FRY: variants seen among roughly 807,000 people sequenced by gnomAD.
FRY encodes FRY microtubule binding protein.
Under a neutral mutation model 348.4 loss-of-function variants are expected in FRY, and 128 were observed. The ratio of observed to expected loss-of-function variants is 0.37; its 90% CI spans 0.32 to 0.43. The LOEUF (loss-of-function observed/expected upper bound fraction) is 0.43. FRY is among the 20% of genes least tolerant of loss of function. The probability of loss-of-function intolerance (pLI) is 1.00; values close to 1 mark genes in which losing one functional copy is unlikely to be tolerated. For synonymous variants in FRY, 1,370 were observed against 1,374.7 expected, an observed-to-expected ratio of 1.00 and a Z score of 0.08; for missense variants, 2,736 against 3,695.2, an observed-to-expected ratio of 0.74 and a Z score of 6.73.
In FRY at chr13:32,184,686, T is replaced by C; in HGVS notation, c.3141T>C (p.Ser1047=). The part of the protein sequence containing the change: ...FELLADAGVI[S]DSTNGALERD... ...TTTTGGCTGATGCTGGTGTAATAAGTGACAGGTAGGATCAGAATTCTACCG... is the reference window on the plus strand; with the variant it reads ...TTTTGGCTGATGCTGGTGTAATAAGCGACAGGTAGGATCAGAATTCTACCG... The change falls in exon 25 of 61, where the codon AGT becomes AGC. Residue 1047 remains serine, a synonymous_variant. Coordinates refer to ENST00000542859, the MANE Select transcript of FRY (RefSeq NM_023037.3). 1 of 1,579,196 alleles carries C rather than the reference T, an allele frequency of 6.3e-7. No individual in the cohort carries two copies. The highest frequency in any genetic ancestry group is 1.3e-5 in the African/African-American group (1 of 74,344).
intron 51 of FRY, among the ~76,000 whole-genome samples, chr13:32,259,076 A>C (rs1196209595): frequency 2.6e-5 from 4 of 152,324 alleles, no homozygotes; most frequent in Admixed American, 2.6e-4. Flanking sequence ...ACTGACATAT[A>C]CAGAGTGTTC....
At chr13:32,202,207 CTAAT>C (rs1212640146) in intron 30 of FRY, 145 bp from the exon 31 acceptor site, 18 of 766,354 alleles carry the variant, frequency 2.3e-5, no homozygotes, top group Admixed American at 1.1e-4. Flanking sequence ...TGTAAACATA[CTAAT>C]TAAACTGATG....
chr13:32,102,266 C>G (rs1341279200), intron 3 of FRY, among the ~76,000 whole-genome samples: 1 of 152,096 alleles, frequency 6.6e-6, no homozygotes, highest in South Asian at 2.1e-4. Context: ...TGATTATTTC[C>G]TAAATCTTTA....
At chr13:32,220,331 C>G (rs1051564581) in intron 36 of FRY, among the ~76,000 whole-genome samples, 3 of 152,120 alleles carry the variant, frequency 2.0e-5, no homozygotes, top group Non-Finnish European at 4.4e-5. Flanking sequence ...TAATGGAAGG[C>G]GTGTCTAGAA....
rs1030587604 is a variant in FRY at position 32,252,040 on chromosome 13, G to T, written c.7245+88G>T. ...TTGCCTTTGGTCATATAATTTAGAG[G>T]ATTCAACTGTGAATGACAAGTATGA... is the stretch of plus-strand genomic sequence containing the variant. On this transcript the variant is annotated intron_variant, in intron 50 of 60. Coordinates refer to ENST00000542859, the MANE Select transcript of FRY (RefSeq NM_023037.3). 1.6e-5 allele frequency: 14 copies of T among 899,360 alleles called. No homozygotes were observed. The African/African-American group carries it at 1.8e-4, about 12-fold the overall frequency. The allele number at this position is 899,360 out of a possible 1,614,324, so 55.7% of individuals were successfully genotyped here.
chr13:32,161,810 T>G (rs1227114747), intron 17 of FRY, among the ~76,000 whole-genome samples: 4 of 152,202 alleles, frequency 2.6e-5, no homozygotes, highest in Admixed American at 6.5e-5. Context: ...CTGCCCCAAA[T>G]CATATTTATC....
At position 32,239,217 on chromosome 13, in the gene FRY, A is replaced by G; in HGVS notation, c.6419-35A>G. 8.1e-7 allele frequency: 1 copy of G among 1,233,084 alleles called. No homozygotes were observed. The highest frequency in any genetic ancestry group is 1.2e-6 in the Non-Finnish European group (1 of 833,022). The allele number at this position is 1,233,084 out of a possible 1,614,324, so 76.4% of individuals were successfully genotyped here. A position where few individuals can be genotyped will look rare whatever the true frequency, so the allele number is the denominator to read the frequency against. ...ACTGTTAACAGCTAAAATATACCAT[A>G]TTCAGCTATCTCCATTGTATCTTCT... On this transcript the variant is annotated intron_variant, in intron 44 of 60. Coordinates refer to ENST00000542859, the MANE Select transcript of FRY (RefSeq NM_023037.3). This position sits in a 1 kb window ranked among gnomAD's most constrained non-coding sequence, Gnocchi z 4.3.
At chr13:32,111,623 AG>A (rs1877967919) in intron 3 of FRY, among the ~76,000 whole-genome samples, 1 of 152,162 alleles carries the variant, frequency 6.6e-6, no homozygotes, top group African/African-American at 2.4e-5. Flanking sequence ...TAGATGAGAA[AG>A]GGGAGAGCAG....
intron 2 of FRY, among the ~76,000 whole-genome samples, chr13:32,084,915 T>C (rs1325003147): frequency 2.0e-5 from 3 of 151,238 alleles, no homozygotes; most frequent in African/African-American, 7.3e-5. Flanking sequence ...CACACACACA[T>C]ATCCCATGTC....
intron 1 of FRY, among the ~76,000 whole-genome samples, chr13:32,047,528 G>A (rs909362980): frequency 6.7e-6 from 1 of 149,606 alleles, no homozygotes; most frequent in Admixed American, 6.7e-5. Flanking sequence ...TACAGTTGCA[G>A]CGTTTTCTTT....
At chr13:32,252,609 C>G (rs973422120) in intron 50 of FRY, among the ~76,000 whole-genome samples, 3 of 151,616 alleles carry the variant, frequency 2.0e-5, no homozygotes, top group Non-Finnish European at 4.4e-5. Flanking sequence ...ACCTGTATCA[C>G]AGAATATTTA....
intron 58 of FRY, among the ~76,000 whole-genome samples, chr13:32,286,960 C>G (rs1224267058): frequency 6.6e-6 from 1 of 151,226 alleles, no homozygotes; most frequent in African/African-American, 2.4e-5. Flanking sequence ...GAGTTCGAGA[C>G]CAGCCTGACC....
At position 32,064,194 on chromosome 13, in the gene FRY, C is replaced by A. The variant is rs111419975; in HGVS notation, c.71-14640C>A. ...GAGGGGAGTACCAAGGAGTGGCTGG[C>A]CAGAACAGACTCTCATAATCCTAGA... is the stretch of plus-strand genomic sequence containing the variant. On this transcript the variant is annotated intron_variant, in intron 1 of 60. Coordinates refer to ENST00000542859, the MANE Select transcript of FRY (RefSeq NM_023037.3). 3.9e-3 allele frequency among the ~76,000 whole-genome samples: 591 copies of A among 152,170 alleles called. 2 individuals are homozygous for A. The highest frequency in any genetic ancestry group is 0.014 in the African/African-American group (568 of 41,508).
chr13:32,041,754 A>G (rs1326039274), intron 1 of FRY, among the ~76,000 whole-genome samples: 1 of 152,224 alleles, frequency 6.6e-6, no homozygotes, highest in Non-Finnish European at 1.5e-5. Context: ...GCTGCGAGAG[A>G]ATAGGAAAAT....
At chr13:32,271,981 C>T (rs1206411232) in intron 55 of FRY, among the ~76,000 whole-genome samples, 2 of 152,116 alleles carry the variant, frequency 1.3e-5, no homozygotes, top group African/African-American at 2.4e-5. Context: ...ATCAATCACC[C>T]TATGGAGCTT....
At chr13:32,114,775 A>C (rs1878195115) in intron 3 of FRY, among the ~76,000 whole-genome samples, 1 of 152,234 alleles carries the variant, frequency 6.6e-6, no homozygotes, top group South Asian at 2.1e-4. Flanking sequence ...GTGACTTCGG[A>C]AAGTAAATAT....
chr13:32,176,056 T>A (rs2138229367), intron 20 of FRY, among the ~76,000 whole-genome samples: 1 of 152,276 alleles, frequency 6.6e-6, no homozygotes, highest in African/African-American at 2.4e-5. Flanking sequence ...AACTCAAAAA[T>A]GTTAAGGGGT....
intron 4 of FRY, among the ~76,000 whole-genome samples, chr13:32,120,172 A>G (rs573702412): frequency 6.6e-6 from 1 of 152,288 alleles, no homozygotes; most frequent in African/African-American, 2.4e-5. Context: ...AAATTATGCT[A>G]AATACTTTAC....
At chr13:32,044,029 T>C (rs1182782603) in intron 1 of FRY, among the ~76,000 whole-genome samples, 1 of 152,102 alleles carries the variant, frequency 6.6e-6, no homozygotes, top group Non-Finnish European at 1.5e-5. Flanking sequence ...ACCCCATCTC[T>C]TTTGTTTTTA....
Sources: gnomAD v4.1 joint callset for allele counts (sites outside exome capture counted in the v4.1 genomes callset) on GRCh38, gnomAD v4.1.1 for gene constraint, Gnocchi (gnomAD v3.1) non-coding constraint, MANE v1.5 for transcripts, NCBI Gene and HGNC (gene_info 2026-07-23, HGNC 2026-07-21) for gene names.